Variants in MYO1H observed in about 807,000 individuals in gnomAD.
MYO1H encodes unconventional myosin-Ih.
Under a neutral mutation model 149.3 loss-of-function variants are expected in MYO1H, and 118 were observed. That is an observed-to-expected ratio of 0.79 (90% CI 0.68 to 0.92). The LOEUF (loss-of-function observed/expected upper bound fraction) is 0.92. Ranked by LOEUF, MYO1H falls within the 40% of genes least tolerant of loss-of-function variation. The probability of loss-of-function intolerance (pLI) is 0.00; values close to 1 mark genes in which losing one functional copy is unlikely to be tolerated. For missense variants in MYO1H, 1,212 were observed against 1,280.7 expected, an observed-to-expected ratio of 0.95 and a Z score of 0.82; for synonymous variants, 447 against 465.2, an observed-to-expected ratio of 0.96 and a Z score of 0.50.
intron 1 of MYO1H, among the ~76,000 whole-genome samples, chr12:109,348,510 TTCATTACCC>T (rs2136991444): frequency 6.6e-6 from 1 of 152,358 alleles, no homozygotes; most frequent in Non-Finnish European, 1.5e-5. Flanking sequence ...GTACATTTTC[TTCATTACCC>T]TAGATACCTT....
chr12:109,410,660 G>C lies in MYO1H; in HGVS notation c.1330-28G>C, dbSNP rs1472569378. 4 of 1,500,498 alleles carry C rather than the reference G, an allele frequency of 2.7e-6. No homozygotes were observed. The East Asian group carries it at 9.1e-5, about 34-fold the overall frequency. 92.9% of individuals were successfully genotyped at this position (1,500,498 alleles called of 1,614,324 possible). On this transcript the variant is annotated intron_variant, in intron 12 of 31. Coordinates refer to ENST00000310903, the Ensembl canonical transcript of MYO1H. ...TTGATGCTCATCTAAATATTTCTTGGAGAATTCATTCCTCTTTGTCATTTT... is the reference window on the plus strand; with the variant it reads ...TTGATGCTCATCTAAATATTTCTTGCAGAATTCATTCCTCTTTGTCATTTT...
the MYO1H span, among the ~76,000 whole-genome samples, chr12:109,334,105 C>A: frequency 6.6e-6 from 1 of 152,096 alleles, no homozygotes; most frequent in South Asian, 2.1e-4. Flanking sequence ...CAACCTCCAC[C>A]TCCTGGGTTC....
chr12:109,441,823 G>A, intron 26 of MYO1H, 115 bp downstream of exon 26: 1 of 664,732 alleles, frequency 1.5e-6, no homozygotes, highest in Non-Finnish European at 2.6e-6. Flanking sequence ...GAGGTGGGCG[G>A]ATTGCCTGAG....
chr12:109,340,186 A>G, the MYO1H span, among the ~76,000 whole-genome samples: 1 of 152,010 alleles, frequency 6.6e-6, no homozygotes, highest in Non-Finnish European at 1.5e-5. Flanking sequence ...TTTTTAATTT[A>G]TTTATTTTAG....
chr12:109,402,741 T>TTGG (rs747360596), intron 6 of MYO1H, among the ~76,000 whole-genome samples: 1 of 152,342 alleles, frequency 6.6e-6, no homozygotes, highest in East Asian at 1.9e-4. Flanking sequence ...TTTTTTCTTT[T>TTGG]TGGAGGGCTT....
In MYO1H at chr12:109,370,876, T is replaced by A. The variant is rs933384849; in HGVS notation, c.13-17807T>A. ...AAAAGACTTACCCCTGAGAGGCTTCTAGAAGGGCTCAGCCTAAGATCAAGG... is the reference window on the plus strand; with the variant it reads ...AAAAGACTTACCCCTGAGAGGCTTCAAGAAGGGCTCAGCCTAAGATCAAGG... On this transcript the variant is annotated intron_variant, in intron 1 of 31. Coordinates refer to ENST00000310903, the Ensembl canonical transcript of MYO1H. Among the ~76,000 whole-genome samples the A allele has an allele frequency of 2.3e-4, 35 of 152,220 alleles. 1 individual carries two copies. The highest frequency in any genetic ancestry group is 8.4e-4 in the African/African-American group (35 of 41,460).
intron 18 of MYO1H, among the ~76,000 whole-genome samples, chr12:109,426,627 C>T (rs1871360965): frequency 6.6e-6 from 1 of 152,162 alleles, no homozygotes; most frequent in Non-Finnish European, 1.5e-5. Flanking sequence ...CTGAGTCAGG[C>T]AGGTGTCAGA....
the MYO1H span, among the ~76,000 whole-genome samples, chr12:109,314,436 A>C: frequency 6.6e-6 from 1 of 152,200 alleles, no homozygotes; most frequent in East Asian, 1.9e-4. Context: ...ATATTAACAC[A>C]GTGATTCCAT....
At chr12:109,399,792 A>G (rs146687105) in intron 5 of MYO1H, among the ~76,000 whole-genome samples, 2 of 152,104 alleles carry the variant, frequency 1.3e-5, no homozygotes, top group Non-Finnish European at 2.9e-5. Flanking sequence ...GTGCATGCCT[A>G]TAGTCCCAGT....
At chr12:109,356,912 C>T (rs888069384) in intron 1 of MYO1H, among the ~76,000 whole-genome samples, 1 of 152,186 alleles carries the variant, frequency 6.6e-6, no homozygotes, top group Non-Finnish European at 1.5e-5. Context: ...GCAATATTAT[C>T]ATTCTCAGAT....
chr12:109,440,861 G>C, intron 25 of MYO1H, 34 bp downstream of exon 25: 1 of 1,464,046 alleles, frequency 6.8e-7, no homozygotes, highest in South Asian at 1.2e-5. Context: ...GCCGGTGGTG[G>C]GGGTGGGTGT....
chr12:109,410,017 T>C lies in MYO1H; in HGVS notation c.1278T>C (p.Ile426=), dbSNP rs376133892. The change falls in exon 12 of 32, where the codon ATT becomes ATC. Residue 426 remains isoleucine, a synonymous_variant. Coordinates refer to ENST00000310903, the Ensembl canonical transcript of MYO1H. The stretch of plus-strand genomic sequence containing the variant: ...ATGAGAAACTCCAGCAACTGTTAAT[T>C]GAGAGGACTCTAAAAGCAGAACAGG... The C allele has an allele frequency of 3.9e-6, 6 of 1,545,934 alleles. No homozygotes were observed. In the African/African-American group the frequency reaches 8.2e-5, roughly 21 times the overall value.
the MYO1H span, among the ~76,000 whole-genome samples, chr12:109,320,335 CGTG>C: frequency 6.6e-6 from 1 of 150,506 alleles, no homozygotes; most frequent in African/African-American, 2.5e-5. Context: ...ACGGGCCAGA[CGTG>C]GTGGCTCACA....
At chr12:109,422,553 TG>T (rs1020830156) in intron 16 of MYO1H, among the ~76,000 whole-genome samples, 1 of 152,210 alleles carries the variant, frequency 6.6e-6, no homozygotes, top group Non-Finnish European at 1.5e-5. Context: ...GCTTCCCCTC[TG>T]GGGTCATGGC....
In MYO1H at chr12:109,441,605, G is replaced by T; in HGVS notation, c.2539-10G>T. ...CTACCATTTTTATACTTTCAATTGT[G>T]TATTACCAGATGCAGCAAAAGGTAG... is the stretch of plus-strand genomic sequence containing the variant. On this transcript the variant is annotated splice_polypyrimidine_tract_variant and intron_variant, in intron 25 of 31. Coordinates refer to ENST00000310903, the Ensembl canonical transcript of MYO1H. 6.3e-7 allele frequency: 1 copy of T among 1,592,814 alleles called. No individual in the cohort carries two copies. The highest frequency in any genetic ancestry group is 8.6e-7 in the Non-Finnish European group (1 of 1,163,596).
intron 10 of MYO1H, among the ~76,000 whole-genome samples, chr12:109,408,826 G>A (rs1053646263): frequency 6.6e-6 from 1 of 151,822 alleles, no homozygotes; most frequent in African/African-American, 2.4e-5. Context: ...GTCCCACTTT[G>A]TCGTTCAGGC....
intron 3 of MYO1H, 149 bp downstream of exon 3, chr12:109,393,595 C>T (rs913242196): frequency 1.1e-5 from 7 of 636,838 alleles, no homozygotes; most frequent in Non-Finnish European, 2.0e-5. Flanking sequence ...ATCCATTCAT[C>T]CACCTATCCA....
rs902863485 is a variant in MYO1H, at chr12:109,391,909, G to C, written c.175-1422G>C. On this transcript the variant is annotated intron_variant, in intron 2 of 31. Coordinates refer to ENST00000310903, the Ensembl canonical transcript of MYO1H. ...TTTTCCTTTGCCCACTTTTTAATGG[G>C]ATTGTTTTTTCTTGTAAGTTTGTTT... 2.0e-5 allele frequency among the ~76,000 whole-genome samples: 3 copies of C among 152,056 alleles called. No individual in the cohort carries two copies. In the South Asian group the frequency reaches 6.2e-4, roughly 32 times the overall value.
At chr12:109,443,377 C>T (rs1294953538) in intron 27 of MYO1H, 137 bp from the exon 28 acceptor site, 1 of 797,330 alleles carries the variant, frequency 1.3e-6, no homozygotes, top group South Asian at 1.8e-5. Context: ...CACACACACA[C>T]ACACACACAC....
Sources: allele counts gnomAD v4.1 joint callset (sites outside exome capture counted in the v4.1 genomes callset), GRCh38; gene constraint gnomAD v4.1.1; transcripts MANE v1.5; gene names NCBI Gene and HGNC (gene_info 2026-07-23, HGNC 2026-07-21).